OR6N2: variants seen among roughly 807,000 people sequenced by gnomAD.
OR6N2 encodes the protein olfactory receptor family 6 subfamily N member 2.
For synonymous variants in OR6N2, 160 were observed against 138.3 expected (o/e 1.16, Z -1.10); for missense variants, 399 against 379.7 (o/e 1.05, Z -0.42).
Position 158,777,060 on chromosome 1 carries a change from T to C in OR6N2, c.576A>G (p.Thr192=). 1.2e-6 allele frequency: 2 copies of C among 1,614,132 alleles called. No individual in the cohort carries two copies. The highest frequency in any genetic ancestry group is 1.1e-5 in the South Asian group (1 of 91,076). ...CAAAGTCCACCAGAATGTTAGCAGATGTGTCCTTGCAGGCCAAGCTCAGCA... is the reference window on the plus strand; with the variant it reads ...CAAAGTCCACCAGAATGTTAGCAGACGTGTCCTTGCAGGCCAAGCTCAGCA... ...PPLLSLACKD[T]SANILVDFAI... Residue 192 remains threonine (T), a synonymous_variant, in exon 2 of 2, where the codon ACA becomes ACG. Coordinates refer to ENST00000641131, the MANE Select transcript of OR6N2 (RefSeq NM_001005278.2).
chr1:158,777,668 CATTGG>C, intron 1 of OR6N2, 27 bp from the exon 2 acceptor site: 1 of 1,426,570 alleles, frequency 7.0e-7, no homozygotes, highest in Non-Finnish European at 9.7e-7. Flanking sequence ...AAGAAGAAAA[CATTGG>C]ATTGAGATGA....
Position 158,777,552 on chromosome 1 carries a change from A to G in OR6N2, c.84T>C (p.Phe28=), listed in dbSNP as rs1168629983. 6.2e-7 allele frequency: 1 copy of G among 1,614,108 alleles called. No individual in the cohort carries two copies. Among genetic ancestry groups the G allele is most frequent in the Non-Finnish European group, 8.5e-7 (1 of 1,180,024 alleles). Residue 28 remains phenylalanine (F), a synonymous_variant, in exon 2 of 2, where the codon TTT becomes TTC. Coordinates refer to ENST00000641131, the MANE Select transcript of OR6N2 (RefSeq NM_001005278.2). ...ASVGYVRGWL[F]VLLLLAYLFT... ...ACAGGTATGCCAATAGCAGCAGGACAAAAAGCCAGCCCCTGACATAGCCCA... is the reference window on the plus strand; with the variant it reads ...ACAGGTATGCCAATAGCAGCAGGACGAAAAGCCAGCCCCTGACATAGCCCA...
Position 158,775,018 on chromosome 1 carries a change from G to T in OR6N2, c.*1664C>A, listed in dbSNP as rs1163806995. On this transcript the variant is annotated 3_prime_UTR_variant, in exon 2 of 2. Coordinates refer to ENST00000641131, the MANE Select transcript of OR6N2 (RefSeq NM_001005278.2). ...CATTGAATACTCATCCTATTTAGGT[G>T]CTGTGTTAGTTTCTGGACACACAAC... The T allele has an allele frequency of 6.6e-6, 1 of 152,134 alleles. No individual in the cohort carries two copies. Among genetic ancestry groups the T allele is most frequent in the Admixed American group, 6.5e-5 (1 of 15,268 alleles). The allele number at this position is 152,134 out of a possible 1,614,324, so 9.4% of individuals were successfully genotyped here.
In OR6N2 at chr1:158,777,463, G is replaced by C; in HGVS notation, c.173C>G (p.Pro58Arg). 1.9e-6 allele frequency: 3 copies of C among 1,614,190 alleles called. No individual in the cohort carries two copies. The highest frequency in any genetic ancestry group is 2.5e-6 in the Non-Finnish European group (3 of 1,180,040). The change falls in exon 2 of 2, where the codon CCT becomes CGT. Residue 58 changes from proline (P) to arginine (R), a missense_variant. Coordinates refer to ENST00000641131, the MANE Select transcript of OR6N2 (RefSeq NM_001005278.2). ...AAGAACACTGACAAAGTGGTACATA[G>C]GTGTGTGCAGAGCTGCATCCAGTCG... ...VIRLDAALHT[P>R]MYHFVSVLSF... is the part of the protein sequence containing the mutation.
At position 158,776,837 on chromosome 1, in the gene OR6N2, A is replaced by G. The variant is rs1302421196; in HGVS notation, c.799T>C (p.Ser267Pro). The G allele has an allele frequency of 1.2e-6, 2 of 1,614,130 alleles. No individual in the cohort carries two copies. The highest frequency in any genetic ancestry group is 2.2e-5 in the South Asian group (2 of 91,076). Residue 267 changes from serine (S) to proline (P), a missense_variant, in exon 2 of 2, where the codon TCC becomes CCC. Ser to Pro is a moderately conservative substitution (Grantham distance 74). Coordinates refer to ENST00000641131, the MANE Select transcript of OR6N2 (RefSeq NM_001005278.2). ...GCAAGTGTTCGGTCAAGGGTCAGGG[A>G]ATAGCTCTTCTTTAGCCGCACATAC... ...FMYVRLKKSY[S>P]LTLDRTLAIV...
rs1389167046 is a variant in OR6N2 at position 158,775,717 on chromosome 1, A to T, written c.*965T>A. The T allele has an allele frequency of 6.6e-6, 1 of 152,100 alleles. No homozygotes were observed. Among genetic ancestry groups the T allele is most frequent in the Non-Finnish European group, 1.5e-5 (1 of 68,028 alleles). 9.4% of individuals were successfully genotyped at this position (152,100 alleles called of 1,614,324 possible). ...AGAAACACTAAAGAGTATAAGAAAT[A>T]AATTGATTTAAGAATATATTTTGTG... On this transcript the variant is annotated 3_prime_UTR_variant, in exon 2 of 2. Coordinates refer to ENST00000641131, the MANE Select transcript of OR6N2 (RefSeq NM_001005278.2).
At position 158,775,275 on chromosome 1, in the gene OR6N2, A is replaced by G. The variant is rs1376644620; in HGVS notation, c.*1407T>C. On this transcript the variant is annotated 3_prime_UTR_variant, in exon 2 of 2. Coordinates refer to ENST00000641131, the MANE Select transcript of OR6N2 (RefSeq NM_001005278.2). ...AGCATCACTGGAAATTGATATTTGA[A>G]CAGAAAATCACACAATTAGGAGGAG... is the stretch of plus-strand genomic sequence containing the variant. The G allele has an allele frequency of 6.6e-6, 1 of 152,242 alleles. No homozygotes were observed. The highest frequency in any genetic ancestry group is 1.5e-5 in the Non-Finnish European group (1 of 68,044). 9.4% of individuals were successfully genotyped at this position (152,242 alleles called of 1,614,324 possible). A position where few individuals can be genotyped will look rare whatever the true frequency, so the allele number is the denominator to read the frequency against.
intron 1 of OR6N2, among the ~76,000 whole-genome samples, chr1:158,777,854 T>C (rs1009592853): frequency 1.6e-4 from 24 of 152,250 alleles, no homozygotes; most frequent in African/African-American, 5.5e-4. Context: ...TTGCATTCAA[T>C]ATTTACTTAA....
At chr1:158,777,770 C>CAG in intron 1 of OR6N2, 129 bp from the exon 2 acceptor site, 1 of 602,578 alleles carries the variant, frequency 1.7e-6, no homozygotes. Context: ...GCCCTCACTA[C>CAG]TATTACTATT....
At chr1:158,778,998 G>T (rs1488212001) in intron 1 of OR6N2, among the ~76,000 whole-genome samples, 1 of 110,410 alleles carries the variant, frequency 9.1e-6, no homozygotes, top group Middle Eastern at 6.7e-3. Flanking sequence ...CAGCCTGGGC[G>T]ACAGTGCGAG....
At chr1:158,780,885 T>C (rs183354066) in intron 1 of OR6N2, among the ~76,000 whole-genome samples, 1 of 152,346 alleles carries the variant, frequency 6.6e-6, no homozygotes, top group East Asian at 1.9e-4. Context: ...TAATTTCTTG[T>C]CTCTCTACCT....
In OR6N2 at chr1:158,777,033, G is replaced by C; in HGVS notation, c.603C>G (p.Ala201=). The part of the protein sequence containing the change: ...DTSANILVDF[A]INAFIILITF... Reference sequence around the variant, plus strand: ...TGATAAGAATTATGAAAGCATTAATGGCAAAGTCCACCAGAATGTTAGCAG... The same window carrying C: ...TGATAAGAATTATGAAAGCATTAATCGCAAAGTCCACCAGAATGTTAGCAG... The change falls in exon 2 of 2, where the codon GCC becomes GCG. Residue 201 remains alanine (A), a synonymous_variant. Coordinates refer to ENST00000641131, the MANE Select transcript of OR6N2 (RefSeq NM_001005278.2). The C allele has an allele frequency of 6.2e-7, 1 of 1,614,076 alleles. No individual in the cohort carries two copies. Among genetic ancestry groups the C allele is most frequent in the East Asian group, 2.2e-5 (1 of 44,874 alleles).
chr1:158,776,734 A>G lies in OR6N2; in HGVS notation c.902T>C (p.Ile301Thr). ...TCCCTTCTGGAAGATGGTCCTCTTGATAGCTTTAATGATTTCCTTGTTACG... is the reference window on the plus strand; with the variant it reads ...TCCCTTCTGGAAGATGGTCCTCTTGGTAGCTTTAATGATTTCCTTGTTACG... The part of the protein sequence containing the change: ...SLRNKEIIKA[I>T]KRTIFQKGDK... The change falls in exon 2 of 2, where the codon ATC (isoleucine) becomes ACC (threonine). Residue 301 changes from isoleucine (I) to threonine (T), a missense_variant. Transcript: ENST00000641131. 6.2e-7 allele frequency: 1 copy of G among 1,613,586 alleles called. No individual in the cohort carries two copies. Among genetic ancestry groups the G allele is most frequent in the Non-Finnish European group, 8.5e-7 (1 of 1,179,760 alleles).
rs901235437 is a variant in OR6N2, at chr1:158,776,808, T to C, written c.828A>G (p.Ile276Met). 3.7e-6 allele frequency: 6 copies of C among 1,614,074 alleles called. No homozygotes were observed. The highest frequency in any genetic ancestry group is 3.3e-5 in the Admixed American group (2 of 60,026). Residue 276 changes from isoleucine to methionine, a missense_variant, in exon 2 of 2, where the codon ATA (isoleucine) becomes ATG (methionine). By Grantham distance (10) the Ile-to-Met change is conservative. Transcript: ENST00000641131. ...CCATTGGTGTTAGTACGGAGTAAAC[T>C]ATAGCAAGTGTTCGGTCAAGGGTCA... The part of the protein sequence containing the change: ...YSLTLDRTLA[I>M]VYSVLTPMVN...
chr1:158,777,016 A>G lies in OR6N2; in HGVS notation c.620T>C (p.Ile207Thr), dbSNP rs1255626935. 6.2e-7 allele frequency: 1 copy of G among 1,614,190 alleles called. No individual in the cohort carries two copies. The highest frequency in any genetic ancestry group is 1.3e-5 in the African/African-American group (1 of 75,050). The change falls in exon 2 of 2, where the codon ATT (isoleucine) becomes ACT (threonine). Residue 207 changes from isoleucine to threonine, a missense_variant. Coordinates refer to ENST00000641131, the MANE Select transcript of OR6N2 (RefSeq NM_001005278.2). ...CATGATAAAGAAGAAAGTGATAAGA[A>G]TTATGAAAGCATTAATGGCAAAGTC... ...LVDFAINAFI[I>T]LITFFFIMIS...
In OR6N2 at chr1:158,777,159, C is replaced by T. The variant is rs376676151; in HGVS notation, c.477G>A (p.Glu159=). 9.9e-6 allele frequency: 16 copies of T among 1,613,884 alleles called. No individual in the cohort carries two copies. The highest frequency in any genetic ancestry group is 1.3e-5 in the Non-Finnish European group (15 of 1,180,002). Residue 159 remains glutamate, a synonymous_variant, in exon 2 of 2, where the codon GAG becomes GAA. Transcript: ENST00000641131. ...ATGGGAGCTGGGAGGCAAGGATGACCTCAGAAATGGGACACAGGAAGCCAC... is the reference window on the plus strand; with the variant it reads ...ATGGGAGCTGGGAGGCAAGGATGACTTCAGAAATGGGACACAGGAAGCCAC... The part of the protein sequence containing the change: ...WTCGFLCPIS[E]VILASQLPFC...
chr1:158,777,691 A>G, intron 1 of OR6N2, 50 bp from the exon 2 acceptor site: 1 of 1,137,544 alleles, frequency 8.8e-7, no homozygotes, highest in Non-Finnish European at 1.3e-6. Context: ...TGACTGCTGA[A>G]TCCATGCCAA....
Position 158,774,407 on chromosome 1 carries a change from T to A in OR6N2, c.*2275A>T, listed in dbSNP as rs953664906. The A allele has an allele frequency of 6.6e-6, 1 of 151,996 alleles. No individual in the cohort carries two copies. Among genetic ancestry groups the A allele is most frequent in the African/African-American group, 2.4e-5 (1 of 41,340 alleles). The allele number at this position is 151,996 out of a possible 1,614,324, so 9.4% of individuals were successfully genotyped here. ...TTTGTTACTCATAGACATGCAGCAA[T>A]GAGAAACAGAAGCCTGGGGTTCATC... is the stretch of plus-strand genomic sequence containing the variant. On this transcript the variant is annotated 3_prime_UTR_variant, in exon 2 of 2. Transcript: ENST00000641131.
Position 158,777,055 on chromosome 1 carries a change from GC to G in OR6N2, c.580del (p.Ala194LeufsTer13), listed in dbSNP as rs1446742455. 2 of 1,614,142 alleles carry G rather than the reference GC, an allele frequency of 1.2e-6. No individual in the cohort carries two copies. The highest frequency in any genetic ancestry group is 2.7e-5 in the African/African-American group (2 of 75,046). ...LLSLACKDTS[A>X]NILVDFAINA... ...AATGGCAAAGTCCACCAGAATGTTAGCAGATGTGTCCTTGCAGGCCAAGCTC... is the reference window on the plus strand; with the variant it reads ...AATGGCAAAGTCCACCAGAATGTTAGAGATGTGTCCTTGCAGGCCAAGCTC... On this transcript the variant is annotated frameshift_variant, in exon 2 of 2. Coordinates refer to ENST00000641131, the MANE Select transcript of OR6N2 (RefSeq NM_001005278.2). LOFTEE classifies it low-confidence loss of function (END_TRUNC).
Sources: allele counts gnomAD v4.1 joint callset (sites outside exome capture counted in the v4.1 genomes callset), GRCh38; gene constraint gnomAD v4.1.1; transcripts MANE v1.5; gene names NCBI Gene and HGNC (gene_info 2026-07-23, HGNC 2026-07-21).